Variants in LIM2 observed in about 807,000 individuals in gnomAD.
LIM2 encodes the protein lens intrinsic membrane protein 2.
In LIM2, 14 loss-of-function variants were observed where a neutral mutation model predicts 19.0. The observed-to-expected ratio is 0.74, with a 90% confidence interval of 0.49 to 1.15. The LOEUF (loss-of-function observed/expected upper bound fraction) is 1.15, where lower values mean the gene tolerates loss of function less well. Ranked by LOEUF, LIM2 falls within the 50% of genes most tolerant of loss-of-function variation. The probability of loss-of-function intolerance (pLI) is 0.00; values close to 1 mark genes in which losing one functional copy is unlikely to be tolerated. For synonymous variants in LIM2, 78 were observed against 89.6 expected, an observed-to-expected ratio of 0.87 and a Z score of 0.73; for missense variants, 230 against 243.5, an observed-to-expected ratio of 0.94 and a Z score of 0.37.
chr19:51,384,925 C>T (rs1166019071), intron 2 of LIM2, among the ~76,000 whole-genome samples: 1 of 152,116 alleles, frequency 6.6e-6, no homozygotes, highest in East Asian at 1.9e-4. Flanking sequence ...TGCAGTGGCT[C>T]TATCTTAGCT....
Position 51,380,105 on chromosome 19 carries a change from C to T in LIM2, c.*96G>A. On this transcript the variant is annotated 3_prime_UTR_variant, in exon 5 of 5. Transcript: ENST00000596399. ...CAGTCCAGAACTGAGCCCCCTCATT[C>T]CCCTAGGAACCAGGATTTCAGGCCT... is the stretch of plus-strand genomic sequence containing the variant. 1 of 1,175,516 alleles carries T rather than the reference C, an allele frequency of 8.5e-7. No individual in the cohort carries two copies. 72.8% of individuals were successfully genotyped at this position (1,175,516 alleles called of 1,614,324 possible). A position where few individuals can be genotyped will look rare whatever the true frequency, so the allele number is the denominator to read the frequency against.
At chr19:51,381,833 C>G (rs910038684) in intron 3 of LIM2, among the ~76,000 whole-genome samples, 6 of 152,210 alleles carry the variant, frequency 3.9e-5, no homozygotes, top group African/African-American at 1.4e-4. Flanking sequence ...TCATGCCATT[C>G]TCCTGCCTCA....
intron 2 of LIM2, among the ~76,000 whole-genome samples, chr19:51,383,998 G>A (rs945503152): frequency 6.6e-6 from 1 of 152,224 alleles, no homozygotes; most frequent in Admixed American, 6.5e-5. Flanking sequence ...TATGGGTTAT[G>A]CCTTTCTGTC....
chr19:51,386,753 GTAA>G (rs1393596309), intron 2 of LIM2, among the ~76,000 whole-genome samples: 1 of 149,804 alleles, frequency 6.7e-6, no homozygotes, highest in Non-Finnish European at 1.5e-5. Context: ...TAAATTATAT[GTAA>G]TAATATAAAT....
At chr19:51,383,497 G>A (rs1442691432) in intron 2 of LIM2, among the ~76,000 whole-genome samples, 2 of 152,150 alleles carry the variant, frequency 1.3e-5, no homozygotes, top group African/African-American at 2.4e-5. Flanking sequence ...ACCTACACCT[G>A]GTGCATAATA....
In LIM2 at chr19:51,382,462, C is replaced by CGGGAGAA. The variant is rs1568480782; in HGVS notation, c.274_280dup (p.Arg94LeufsTer74). The stretch of plus-strand genomic sequence containing the variant: ...GCCAGCAGAGAAGGGCCGGGAGATG[C>CGGGAGAA]GGGAGAAGGTAGGCTGATGAGCGAA... On this transcript the variant is annotated frameshift_variant, in exon 3 of 5. Transcript: ENST00000596399. LOFTEE classifies it high-confidence loss of function. 2 of 1,613,718 alleles carry CGGGAGAA rather than the reference C, an allele frequency of 1.2e-6. No homozygotes were observed. The highest frequency in any genetic ancestry group is 3.3e-5 in the Admixed American group (2 of 59,956).
intron 2 of LIM2, among the ~76,000 whole-genome samples, chr19:51,383,365 T>C (rs998576914): frequency 4.6e-5 from 7 of 152,162 alleles, no homozygotes; most frequent in African/African-American, 1.7e-4. Context: ...ACTACTTGCT[T>C]ATATCTGAAA....
intron 3 of LIM2, among the ~76,000 whole-genome samples, chr19:51,381,210 C>T (rs1352323771): frequency 6.6e-6 from 1 of 151,970 alleles, no homozygotes; most frequent in Non-Finnish European, 1.5e-5. Context: ...CCCAGCTACT[C>T]AGGAGGCTGA....
Position 51,380,611 on chromosome 19 carries a change from G to A in LIM2, c.354C>T (p.Ile118=). The change falls in exon 4 of 5, where the codon ATC becomes ATT. Residue 118 remains isoleucine (I), a synonymous_variant. Coordinates refer to ENST00000596399, the MANE Select transcript of LIM2 (RefSeq NM_001161748.2). ...GGAAGCTGACGGTGACTCCAGTGTA[G>A]ATGGCCAAGGCCAACACGACGAAAA... ...STLFVVLALA[I]YTGVTVSFLG... The A allele has an allele frequency of 1.9e-6, 3 of 1,614,162 alleles. No individual in the cohort carries two copies. In the East Asian group the frequency reaches 6.7e-5, roughly 36 times the overall value.
At chr19:51,381,173 C>T (rs1331590976) in intron 3 of LIM2, among the ~76,000 whole-genome samples, 2 of 151,948 alleles carry the variant, frequency 1.3e-5, no homozygotes, top group Non-Finnish European at 1.5e-5. Context: ...AAAAAATTAG[C>T]TGGGTGTGGT....
rs530153876 is a variant in LIM2, at chr19:51,387,166, T to C, written c.175+103A>G. On this transcript the variant is annotated intron_variant, in intron 2 of 4. Coordinates refer to ENST00000596399, the MANE Select transcript of LIM2 (RefSeq NM_001161748.2). ...ACCTTGGGTTGCTCCCTTTCCCTCT[T>C]TGAGCCGCAGAGTTCTCCATCTGGA... The C allele has an allele frequency of 2.9e-5, 46 of 1,612,006 alleles. No individual in the cohort carries two copies. Among genetic ancestry groups the C allele is most frequent in the African/African-American group, 2.1e-4 (16 of 75,012 alleles).
At chr19:51,385,951 T>C (rs1987029083) in intron 2 of LIM2, among the ~76,000 whole-genome samples, 1 of 152,190 alleles carries the variant, frequency 6.6e-6, no homozygotes, top group South Asian at 2.1e-4. Flanking sequence ...TCAAATCTCA[T>C]GTCTCACTCT....
intron 2 of LIM2, among the ~76,000 whole-genome samples, chr19:51,384,927 A>G (rs191293549): frequency 1.3e-5 from 2 of 152,204 alleles, no homozygotes; most frequent in African/African-American, 2.4e-5. Flanking sequence ...CAGTGGCTCT[A>G]TCTTAGCTCA....
chr19:51,387,269 C>T lies in LIM2; in HGVS notation c.175G>A (p.Ala59Thr), dbSNP rs200377680. ...NKCYLQTDSI[A>T]YWNATRAFMI... ...CCTGGACCCTGGCCGGGGGGCTCAC[C>T]GATGCTGTCTGTCTGCAGGTAGCAC... Residue 59 changes from alanine (A) to threonine (T), a missense_variant and splice_region_variant, in exon 2 of 5, where the codon GCA becomes ACA. Physicochemically the swap from Ala to Thr is moderately conservative, Grantham distance 58. Coordinates refer to ENST00000596399, the MANE Select transcript of LIM2 (RefSeq NM_001161748.2). 7.4e-6 allele frequency: 12 copies of T among 1,614,180 alleles called. No individual in the cohort carries two copies. The highest frequency in any genetic ancestry group is 6.7e-5 in the East Asian group (3 of 44,886).
At chr19:51,381,509 C>T (rs1407134895) in intron 3 of LIM2, among the ~76,000 whole-genome samples, 1 of 152,042 alleles carries the variant, frequency 6.6e-6, no homozygotes, top group Non-Finnish European at 1.5e-5. Context: ...AGTGGCGCTC[C>T]CTATTGGTGA....
chr19:51,387,495 C>A, intron 1 of LIM2, 46 bp from the exon 2 acceptor site: 1 of 1,610,500 alleles, frequency 6.2e-7, no homozygotes, highest in Non-Finnish European at 8.5e-7. Context: ...ATTCCCGGGA[C>A]TTGAAGGGAG....
At chr19:51,383,027 C>CTTTTTTTTTTTT (rs1163859181) in intron 2 of LIM2, among the ~76,000 whole-genome samples, 7 of 88,308 alleles carry the variant, frequency 7.9e-5, no homozygotes, top group East Asian at 7.1e-4. Context: ...TTTTTCTTTT[C>CTTTTTTTTTTTT]TTTTTTTTTT....
intron 4 of LIM2, 70 bp from the exon 5 acceptor site, chr19:51,380,332 CA>C (rs1292731135): frequency 1.9e-6 from 3 of 1,576,130 alleles, no homozygotes; most frequent in Non-Finnish European, 1.7e-6. Context: ...CAAGAGAGCC[CA>C]ACACCCTACT....
At chr19:51,382,286 G>T in intron 3 of LIM2, 132 bp downstream of exon 3, 1 of 1,020,632 alleles carries the variant, frequency 9.8e-7, no homozygotes, top group Non-Finnish European at 1.5e-6. Context: ...TTGAGTGTGG[G>T]GATGGGATTA....
Sources: gnomAD v4.1 joint callset for allele counts (sites outside exome capture counted in the v4.1 genomes callset) on GRCh38, gnomAD v4.1.1 for gene constraint, MANE v1.5 for transcripts, NCBI Gene and HGNC (gene_info 2026-07-23, HGNC 2026-07-21) for gene names.